APOB: variants seen among roughly 807,000 people sequenced by gnomAD.
APOB encodes the protein apolipoprotein B.
APOB carries 153 observed loss-of-function variants against 314.1 expected under a neutral mutation model. That is an observed-to-expected ratio of 0.49 (90% confidence interval 0.43 to 0.56). The LOEUF (loss-of-function observed/expected upper bound fraction) is 0.56. APOB is among the 20% of genes least tolerant of loss of function. The pLI, the probability that APOB is intolerant of heterozygous loss-of-function variation, is 0.00. For missense variants in APOB, 5,430 were observed against 5,350.7 expected (o/e 1.01, Z -0.46); for synonymous variants, 2,087 against 2,036.4 (o/e 1.02, Z -0.67).
At position 21,035,807 on chromosome 2, in the gene APOB, C is replaced by T; in HGVS notation, c.694-99G>A. The T allele has an allele frequency of 2.5e-6, 3 of 1,202,964 alleles. No homozygotes were observed. In the South Asian group the frequency reaches 3.8e-5, roughly 15 times the overall value. 74.5% of individuals were successfully genotyped at this position (1,202,964 alleles called of 1,614,324 possible). ...AGAAGGGAGCAGGAGTCCTGTACCA[C>T]TAGATAAACTCAGAGAAAGAAGATA... On this transcript the variant is annotated intron_variant, in intron 6 of 28. Coordinates refer to ENST00000233242, the MANE Select transcript of APOB (RefSeq NM_000384.3).
chr2:21,014,366 A>T (rs3749054), intron 24 of APOB, 82 bp downstream of exon 24: 250,217 of 1,529,018 alleles, frequency 0.16, 22,057 homozygotes, highest in Non-Finnish European at 0.18. Flanking sequence ...TTAAAAATTT[A>T]AAAAAATGTC....
At chr2:21,039,625 A>G (rs1664085911) in intron 4 of APOB, among the ~76,000 whole-genome samples, 1 of 152,242 alleles carries the variant, frequency 6.6e-6, no homozygotes, top group African/African-American at 2.4e-5. Context: ...CATTACATGT[A>G]TCAAAATATC....
intron 10 of APOB, among the ~76,000 whole-genome samples, chr2:21,030,564 C>T (rs1371713970): frequency 6.6e-6 from 1 of 152,042 alleles, no homozygotes; most frequent in African/African-American, 2.4e-5. Flanking sequence ...TGAATAAGAC[C>T]TCAAAGGCAA....
At chr2:21,043,426 T>G in intron 2 of APOB, 87 bp downstream of exon 2, 1 of 1,466,040 alleles carries the variant, frequency 6.8e-7, no homozygotes, top group Non-Finnish European at 9.4e-7. Flanking sequence ...ATCTCAGCCC[T>G]GTAGAGTGGG....
At chr2:21,014,680 A>T in intron 23 of APOB, 87 bp from the exon 24 acceptor site, 1 of 1,384,382 alleles carries the variant, frequency 7.2e-7, no homozygotes, top group South Asian at 1.2e-5. Context: ...CCGATTTGAC[A>T]AGTTAATTAT....
At chr2:21,039,947 G>A (rs1664091530) in intron 4 of APOB, among the ~76,000 whole-genome samples, 1 of 152,206 alleles carries the variant, frequency 6.6e-6, no homozygotes, top group Non-Finnish European at 1.5e-5. Flanking sequence ...CAAGGATGGT[G>A]ATATGGTTTG....
intron 18 of APOB, among the ~76,000 whole-genome samples, chr2:21,022,355 T>C (rs1663631742): frequency 6.6e-6 from 1 of 152,206 alleles, no homozygotes; most frequent in South Asian, 2.1e-4. Context: ...CCACTTAAAA[T>C]GGAACTCTCC....
rs768858404 is a variant in APOB, at chr2:21,007,088, C to T, written c.9780G>A (p.Val3260=). The change falls in exon 26 of 29, where the codon GTG becomes GTA. Residue 3260 remains valine (V), a synonymous_variant. Coordinates refer to ENST00000233242, the MANE Select transcript of APOB (RefSeq NM_000384.3). ...CCGACATCTCTATGGTGAATGGAGA[C>T]ACTTCAACATTGACAACTGGAACAG... is the stretch of plus-strand genomic sequence containing the variant. ...GYTVPVVNVE[V]SPFTIEMSAF... is the part of the protein sequence containing the mutation. 4.3e-6 allele frequency: 7 copies of T among 1,613,888 alleles called. No individual in the cohort carries two copies. The African/African-American group carries it at 6.7e-5, about 15-fold the overall frequency.
At chr2:21,033,703 C>A (rs1195541087) in intron 8 of APOB, among the ~76,000 whole-genome samples, 185 bp from the exon 9 acceptor site, 2 of 152,184 alleles carry the variant, frequency 1.3e-5, no homozygotes, top group African/African-American at 4.8e-5. Flanking sequence ...GACTCATCAT[C>A]CTATCCCTGT....
In APOB at chr2:21,033,356, C is replaced by T. The variant is rs1399561583; in HGVS notation, c.1067G>A (p.Arg356Lys). 6.2e-7 allele frequency: 1 copy of T among 1,614,066 alleles called. No individual in the cohort carries two copies. The highest frequency in any genetic ancestry group is 1.3e-5 in the African/African-American group (1 of 74,936). Residue 356 changes from arginine (R) to lysine (K), a missense_variant, in exon 9 of 29, where the codon AGA becomes AAA. This residue lies in a region of APOB where 2,085 missense variants were observed against 2,079.7 expected (regional missense o/e 1.00). Transcript: ENST00000233242. ...NLFNKLVTEL[R>K]GLSDEAVTSL... is the part of the protein sequence containing the mutation. ...TGTGACTGCTTCATCACTGAGGCCT[C>T]TCAGCTCAGTAACCAGCTTATTGAA...
chr2:21,023,772 GGA>G lies in APOB; in HGVS notation c.2437-82_2437-81del, dbSNP rs1663670816. ...TGTTAATTACAACCTCCCATACATT[GGA>G]GAGTAATTCCTCTTTATCTGGAAAG... On this transcript the variant is annotated intron_variant, in intron 16 of 28. Transcript: ENST00000233242. 3.3e-6 allele frequency: 4 copies of G among 1,202,238 alleles called. No individual in the cohort carries two copies. The African/African-American group carries it at 6.2e-5, about 19-fold the overall frequency. 74.5% of individuals were successfully genotyped at this position (1,202,238 alleles called of 1,614,324 possible). A position where few individuals can be genotyped will look rare whatever the true frequency, so the allele number is the denominator to read the frequency against.
chr2:21,043,484 C>G (rs765736684), intron 2 of APOB, 29 bp downstream of exon 2: 2 of 1,592,634 alleles, frequency 1.3e-6, no homozygotes, highest in African/African-American at 1.3e-5. Context: ...GCTGGGCGCC[C>G]TTCCACGCCC....
In APOB at chr2:21,031,864, CA is replaced by C. The variant is rs201106138; in HGVS notation, c.1352+489del. Among the ~76,000 whole-genome samples, 21 of 149,448 alleles carry C rather than the reference CA, an allele frequency of 1.4e-4. 1 individual carries two copies. In the East Asian group the frequency reaches 3.3e-3, roughly 24 times the overall value. On this transcript the variant is annotated intron_variant, in intron 10 of 28. Transcript: ENST00000233242. ...GACCATCTCAAAAAAACAACAACAA[CA>C]AAAAAAAACAAAACAAACAAACAAA... is the stretch of plus-strand genomic sequence containing the variant.
chr2:21,011,278 ACTC>A lies in APOB; in HGVS notation c.5587_5589del (p.Glu1863del). 6.2e-7 allele frequency: 1 copy of A among 1,614,098 alleles called. No homozygotes were observed. The highest frequency in any genetic ancestry group is 8.5e-7 in the Non-Finnish European group (1 of 1,179,992). On this transcript the variant is annotated inframe_deletion, in exon 26 of 29. Coordinates refer to ENST00000233242, the MANE Select transcript of APOB (RefSeq NM_000384.3). ...ATGTCTGTGTTGAGCCGATGGCTAA[ACTC>A]CACACCCTGAACCTTAGCAACAGTG...
chr2:21,018,366 C>T (rs1433915762), intron 20 of APOB, among the ~76,000 whole-genome samples: 1 of 152,208 alleles, frequency 6.6e-6, no homozygotes, highest in African/African-American at 2.4e-5. Flanking sequence ...AGCCAAAGTT[C>T]TTACCATGGC....
At chr2:21,004,218 C>T in intron 28 of APOB, 51 bp downstream of exon 28, 3 of 1,595,696 alleles carry the variant, frequency 1.9e-6, no homozygotes, top group Non-Finnish European at 2.6e-6. Context: ...TGTATCTGCC[C>T]CAATTCTCCA....
intron 20 of APOB, among the ~76,000 whole-genome samples, chr2:21,017,604 T>G (rs900038552): frequency 6.6e-6 from 1 of 152,122 alleles, no homozygotes; most frequent in Admixed American, 6.5e-5. Context: ...CAGCAAAGGC[T>G]CGCAGCCCTT....
intron 10 of APOB, 26 bp from the exon 11 acceptor site, chr2:21,030,041 G>C (rs768332923): frequency 1.4e-6 from 2 of 1,468,394 alleles, no homozygotes; most frequent in South Asian, 2.3e-5. Flanking sequence ...AGAGAGTCAG[G>C]ACTTGGTAAC....
chr2:21,015,163 C>G lies in APOB; in HGVS notation c.3606G>C (p.Lys1202Asn). 6.2e-7 allele frequency: 1 copy of G among 1,614,140 alleles called. No individual in the cohort carries two copies. The highest frequency in any genetic ancestry group is 1.3e-5 in the African/African-American group (1 of 75,026). Residue 1202 changes from lysine (K) to asparagine (N), a missense_variant, in exon 23 of 29, where the codon AAG becomes AAC. Physicochemically the swap from Lys to Asn is moderately conservative, Grantham distance 94 (BLOSUM62 0). This residue lies in a region of APOB where 2,085 missense variants were observed against 2,079.7 expected (regional missense o/e 1.00). Transcript: ENST00000233242. Reference protein sequence around the residue: ...NFPVDLSDYPKSLHMYANRLL... With the variant: ...NFPVDLSDYPNSLHMYANRLL... ...GTCTATTAGCATACATATGCAAGCT[C>G]TTAGGATAATCGGAGAGATCCACAG...
Sources: gnomAD v4.1 joint callset for allele counts (sites outside exome capture counted in the v4.1 genomes callset) on GRCh38, gnomAD v4.1.1 for gene constraint, gnomAD v4.1.1 regional missense constraint, MANE v1.5 for transcripts, NCBI Gene and HGNC (gene_info 2026-07-23, HGNC 2026-07-21) for gene names.